The following EIF2AK4 variants were observed in gnomAD, a reference collection of about 807,000 sequenced individuals.
EIF2AK4 encodes eukaryotic translation initiation factor 2 alpha kinase 4, also known as eIF-2-alpha kinase GCN2.
EIF2AK4 carries 139 observed loss-of-function variants against 211.1 expected under a neutral mutation model. The ratio of observed to expected loss-of-function variants is 0.66; its 90% confidence interval spans 0.57 to 0.76. EIF2AK4 has a LOEUF of 0.76. Ranked by LOEUF, EIF2AK4 falls within the 30% of genes least tolerant of loss-of-function variation. EIF2AK4 has a pLI of 0.00. For synonymous variants in EIF2AK4, 710 were observed against 751.3 expected (o/e 0.94, Z 0.90); for missense variants, 1,664 against 2,043.8 (o/e 0.81, Z 3.58).
intron 32 of EIF2AK4, among the ~76,000 whole-genome samples, chr15:40,024,611 G>C (rs1218677555): frequency 1.3e-5 from 2 of 150,318 alleles, no homozygotes; most frequent in Admixed American, 6.6e-5. Context: ...TGTTGGTCAG[G>C]CTGGTCTCGA....
intron 14 of EIF2AK4, 27 bp from the exon 15 acceptor site, chr15:39,987,956 A>G (rs1375878017): frequency 2.5e-6 from 4 of 1,610,644 alleles, no homozygotes; most frequent in Non-Finnish European, 3.4e-6. Context: ...TTGTGTAATC[A>G]AATTCTCCTG....
chr15:39,967,483 C>T lies in EIF2AK4; in HGVS notation c.1157C>T (p.Ser386Phe). The change falls in exon 9 of 39, where the codon TCT (serine) becomes TTT (phenylalanine). Residue 386 changes from serine (S) to phenylalanine (F), a missense_variant. Physicochemically the swap from Ser to Phe is radical, Grantham distance 155. Transcript: ENST00000263791. ...TTAGTGGAGCACATTAGTGGGGTCTCTCTTGCTGCACACCTGAGCCACTCA... is the reference window on the plus strand; with the variant it reads ...TTAGTGGAGCACATTAGTGGGGTCTTTCTTGCTGCACACCTGAGCCACTCA... ...DILVEHISGVSLAAHLSHSGP... is the reference protein window; with the variant it reads ...DILVEHISGVFLAAHLSHSGP... 6.2e-7 allele frequency: 1 copy of T among 1,614,158 alleles called. No homozygotes were observed. Among genetic ancestry groups the T allele is most frequent in the Non-Finnish European group, 8.5e-7 (1 of 1,180,032 alleles).
chr15:39,987,757 A>T (rs1011711902), intron 14 of EIF2AK4, among the ~76,000 whole-genome samples: 2 of 152,366 alleles, frequency 1.3e-5, no homozygotes, highest in Non-Finnish European at 2.9e-5. Flanking sequence ...GCAATAATAT[A>T]AAAAATTAAA....
intron 7 of EIF2AK4, among the ~76,000 whole-genome samples, chr15:39,963,536 A>G (rs961520409): frequency 3.3e-5 from 5 of 152,198 alleles, no homozygotes; most frequent in Admixed American, 1.3e-4. Flanking sequence ...AAATGTTTTT[A>G]TAAAAGATTA....
intron 32 of EIF2AK4, among the ~76,000 whole-genome samples, 199 bp downstream of exon 32, chr15:40,022,804 G>A (rs2035410939): frequency 6.6e-6 from 1 of 152,080 alleles, no homozygotes; most frequent in Non-Finnish European, 1.5e-5. Context: ...CGCAATCTCG[G>A]CTCACTGCAA....
chr15:39,940,315 T>C (rs936731247), intron 2 of EIF2AK4, among the ~76,000 whole-genome samples: 1 of 152,168 alleles, frequency 6.6e-6, no homozygotes, highest in Non-Finnish European at 1.5e-5. Context: ...TCCCCACCCA[T>C]CCCACATGGA....
chr15:40,022,695 G>T, intron 32 of EIF2AK4, 90 bp downstream of exon 32: 2 of 1,160,732 alleles, frequency 1.7e-6, no homozygotes, highest in South Asian at 2.7e-5. Flanking sequence ...CCGTGTAGGT[G>T]ACTGGAAATC....
At chr15:39,968,713 A>C (rs2034578572) in intron 9 of EIF2AK4, among the ~76,000 whole-genome samples, 2 of 152,050 alleles carry the variant, frequency 1.3e-5, no homozygotes, top group African/African-American at 4.8e-5. Context: ...TCCATTTGCA[A>C]CATTTCTTTT....
At chr15:39,973,489 A>G in intron 10 of EIF2AK4, 103 bp from the exon 11 acceptor site, 1 of 1,246,414 alleles carries the variant, frequency 8.0e-7, no homozygotes, top group Non-Finnish European at 1.1e-6. Flanking sequence ...TTTTCAAACT[A>G]CTGGTTGGAG....
chr15:39,972,333 C>A (rs963476542), intron 9 of EIF2AK4, among the ~76,000 whole-genome samples: 2 of 145,420 alleles, frequency 1.4e-5, no homozygotes, highest in African/African-American at 5.1e-5. Context: ...CTGGGCGATA[C>A]GGCAAGACCC....
intron 27 of EIF2AK4, among the ~76,000 whole-genome samples, chr15:40,012,538 G>A (rs2035247912): frequency 6.6e-6 from 1 of 152,188 alleles, no homozygotes; most frequent in African/African-American, 2.4e-5. Context: ...ACACACCTAT[G>A]TGCAGAAATA....
chr15:39,987,798 A>G (rs1353612916), intron 14 of EIF2AK4, among the ~76,000 whole-genome samples, 185 bp from the exon 15 acceptor site: 2 of 152,238 alleles, frequency 1.3e-5, no homozygotes, highest in Non-Finnish European at 1.5e-5. Context: ...AAGAGTATGC[A>G]TATTTACCCC....
In EIF2AK4 at chr15:39,953,924, G is replaced by A. The variant is rs764148795; in HGVS notation, c.534G>A (p.Glu178=). 1 of 1,611,562 alleles carries A rather than the reference G, an allele frequency of 6.2e-7. No homozygotes were observed. The highest frequency in any genetic ancestry group is 8.5e-7 in the Non-Finnish European group (1 of 1,179,452). Residue 178 remains glutamate (E), a synonymous_variant, in exon 5 of 39, where the codon GAG becomes GAA. Coordinates refer to ENST00000263791, the MANE Select transcript of EIF2AK4 (RefSeq NM_001013703.4). The part of the protein sequence containing the change: ...EEQEQREILH[E]IQRRKEEIKE... ...TTCAGCAACGTGAAATCCTGCATGA[G>A]ATTCAGAGAAGGAAAGAAGAGATAA...
chr15:39,935,133 G>A (rs530694825), intron 1 of EIF2AK4, among the ~76,000 whole-genome samples: 40 of 152,254 alleles, frequency 2.6e-4, no homozygotes, highest in African/African-American at 9.6e-4. Flanking sequence ...CATGGGCCTC[G>A]GGTTAGACCA....
intron 1 of EIF2AK4, among the ~76,000 whole-genome samples, chr15:39,935,092 G>C (rs981708759): frequency 2.6e-5 from 4 of 152,142 alleles, no homozygotes; most frequent in Non-Finnish European, 5.9e-5. Flanking sequence ...GAAAGTTTAC[G>C]AATGCGTGTT....
Position 40,034,423 on chromosome 15 carries a change from A to G in EIF2AK4, c.4871A>G (p.Tyr1624Cys), listed in dbSNP as rs751990151. The G allele has an allele frequency of 2.0e-5, 32 of 1,613,970 alleles. No homozygotes were observed. In the African/African-American group the frequency reaches 3.5e-4, roughly 17 times the overall value. ...CTCAAATTAGTCTGTGATGAAATTTATAACATCAAAGTAGAAAAAAAGTAA... is the reference window on the plus strand; with the variant it reads ...CTCAAATTAGTCTGTGATGAAATTTGTAACATCAAAGTAGAAAAAAAGTAA... ...RYLKLVCDEI[Y>C]NIKVEKKVSV... Residue 1624 changes from tyrosine (Y) to cysteine (C), a missense_variant, in exon 38 of 39, where the codon TAT (tyrosine) becomes TGT (cysteine). This residue lies in a region of EIF2AK4 where 138 missense variants were observed against 165.1 expected (regional missense o/e 0.84). Transcript: ENST00000263791.
At chr15:39,985,325 T>C (rs998669587) in intron 13 of EIF2AK4, among the ~76,000 whole-genome samples, 59 of 152,198 alleles carry the variant, frequency 3.9e-4, no homozygotes, top group African/African-American at 1.4e-3. Flanking sequence ...TTTTTTGTTG[T>C]GTCTCTGACA....
At chr15:39,939,899 A>G (rs2034120995) in intron 2 of EIF2AK4, among the ~76,000 whole-genome samples, 1 of 136,256 alleles carries the variant, frequency 7.3e-6, no homozygotes, top group African/African-American at 3.0e-5. Flanking sequence ...TTATTTCTTC[A>G]TAAGTTAGGA....
At chr15:40,031,412 T>C (rs532839495) in intron 35 of EIF2AK4, among the ~76,000 whole-genome samples, 2 of 152,342 alleles carry the variant, frequency 1.3e-5, no homozygotes, top group African/African-American at 2.4e-5. Flanking sequence ...CTCTTCTAGC[T>C]GTTTCTCAGG....
Sources: gnomAD v4.1 joint callset for allele counts (sites outside exome capture counted in the v4.1 genomes callset) on GRCh38, gnomAD v4.1.1 for gene constraint, gnomAD v4.1.1 regional missense constraint, MANE v1.5 for transcripts, NCBI Gene and HGNC (gene_info 2026-07-23, HGNC 2026-07-21) for gene names.